Variants in UCK1 observed in about 807,000 individuals in gnomAD.
UCK1 encodes cytidine monophosphokinase 1.
Under a neutral mutation model 34.0 loss-of-function variants are expected in UCK1, and 20 were observed. The ratio of observed to expected loss-of-function variants is 0.59; its 90% confidence interval spans 0.41 to 0.86. UCK1 has a LOEUF of 0.86. Ranked by LOEUF, UCK1 falls within the 40% of genes least tolerant of loss-of-function variation. The pLI is 0.00. For synonymous variants in UCK1, 168 were observed against 155.9 expected, an observed-to-expected ratio of 1.08 and a Z score of -0.58; for missense variants, 343 against 383.6, an observed-to-expected ratio of 0.89 and a Z score of 0.88.
chr9:131,530,289 G>T (rs565430458), intron 2 of UCK1, among the ~76,000 whole-genome samples, 197 bp downstream of exon 2: 1 of 152,312 alleles, frequency 6.6e-6, no homozygotes, highest in East Asian at 1.9e-4. Flanking sequence ...GCTCCTGGGG[G>T]GACACTCAGG....
At chr9:131,527,154 CAAA>C (rs34625466) in intron 5 of UCK1, among the ~76,000 whole-genome samples, 71 of 126,692 alleles carry the variant, frequency 5.6e-4, no homozygotes, top group Admixed American at 6.3e-4. Flanking sequence ...CCCGTCTGTG[CAAA>C]AAAAAAAAAA....
Position 131,529,179 on chromosome 9 carries a change from G to T in UCK1, c.457C>A (p.His153Asn), listed in dbSNP as rs1950731952. ...FYSQEIRDMF[H>N]LRLFVDTDSD... The stretch of plus-strand genomic sequence containing the variant: ...TCGGTGTCCACGAAGAGGCGCAGGT[G>T]GAACATGTCCCGGATCTCCTGGCTG... Residue 153 changes from histidine to asparagine, a missense_variant, in exon 4 of 7, where the codon CAC (histidine) becomes AAC (asparagine). Physicochemically the swap from His to Asn is moderately conservative, Grantham distance 68. Transcript: ENST00000372215. 6.2e-7 allele frequency: 1 copy of T among 1,614,092 alleles called. No individual in the cohort carries two copies. Among genetic ancestry groups the T allele is most frequent in the African/African-American group, 1.3e-5 (1 of 75,054 alleles).
intron 5 of UCK1, 95 bp downstream of exon 5, chr9:131,528,849 T>C: frequency 1.4e-6 from 2 of 1,448,570 alleles, no homozygotes; most frequent in East Asian, 4.9e-5. Context: ...TTCAATCAGA[T>C]CACTGTCACC....
rs1403647611 is a variant in UCK1, at chr9:131,526,899, G to A, written c.604-922C>T. The stretch of plus-strand genomic sequence containing the variant: ...CTGGAGGAGTCCGGGAGAGCTGACA[G>A]GGGTCTTAACCGCCAGCAGGGATGG... On this transcript the variant is annotated intron_variant, in intron 5 of 6. Coordinates refer to ENST00000372215, the MANE Select transcript of UCK1 (RefSeq NM_031432.5). Among the ~76,000 whole-genome samples the A allele has an allele frequency of 1.3e-5, 2 of 152,202 alleles. 1 individual carries two copies. The highest frequency in any genetic ancestry group is 4.1e-4 in the South Asian group (2 of 4,836).
chr9:131,526,528 G>C, intron 5 of UCK1: 3 of 1,289,344 alleles, frequency 2.3e-6, no homozygotes, highest in Non-Finnish European at 3.0e-6. Flanking sequence ...CAAGGATGGA[G>C]ATATATCAGG....
chr9:131,529,721 G>C (rs1014294418), intron 2 of UCK1, 137 bp from the exon 3 acceptor site: 1 of 702,306 alleles, frequency 1.4e-6, no homozygotes, highest in South Asian at 1.7e-5. Context: ...CTAGGACTAC[G>C]GCAGTGTATG....
Position 131,524,904 on chromosome 9 carries a change from G to T in UCK1, c.*136C>A. 2 of 1,049,596 alleles carry T rather than the reference G, an allele frequency of 1.9e-6. No homozygotes were observed. The highest frequency in any genetic ancestry group is 1.7e-5 in the South Asian group (1 of 58,114). 65.0% of individuals were successfully genotyped at this position (1,049,596 alleles called of 1,614,324 possible). ...GTGACACATCTGAGTTTCCACTCCTGAGTGAGGAAGGCCTCGCTGCTAACA... is the reference window on the plus strand; with the variant it reads ...GTGACACATCTGAGTTTCCACTCCTTAGTGAGGAAGGCCTCGCTGCTAACA... On this transcript the variant is annotated 3_prime_UTR_variant, in exon 7 of 7. Transcript: ENST00000372215.
intron 6 of UCK1, 26 bp from the exon 7 acceptor site, chr9:131,525,247 G>A (rs376262427): frequency 9.3e-6 from 15 of 1,612,372 alleles, no homozygotes; most frequent in Admixed American, 1.7e-5. Context: ...GACAAGCAGC[G>A]GGTTAGCCGC....
rs1230055573 is a variant in UCK1 at position 131,529,233 on chromosome 9, C to G, written c.403G>C (p.Val135Leu). Residue 135 changes from valine (V) to leucine (L), a missense_variant, in exon 4 of 7, where the codon GTT becomes CTT. Transcript: ENST00000372215. ...AACACCAAGATGCCCTCAAACAGAA[C>G]CACGTCCGCAGGGTAGACCACCGTG... The part of the protein sequence containing the change: ...ETTVVYPADV[V>L]LFEGILVFYS... 1 of 1,614,158 alleles carries G rather than the reference C, an allele frequency of 6.2e-7. No individual in the cohort carries two copies. The highest frequency in any genetic ancestry group is 8.5e-7 in the Non-Finnish European group (1 of 1,180,038).
Position 131,523,900 on chromosome 9 carries a change from C to A in UCK1, c.*1140G>T. On this transcript the variant is annotated 3_prime_UTR_variant, in exon 7 of 7. Transcript: ENST00000372215. The stretch of plus-strand genomic sequence containing the variant: ...CAGAACCCAGCCACAGGGCTCAGCC[C>A]CCTTCCCCCACGTCACGTCTGCATC... 6.6e-6 allele frequency: 1 copy of A among 152,612 alleles called. No homozygotes were observed. The highest frequency in any genetic ancestry group is 1.5e-5 in the Non-Finnish European group (1 of 68,250). 9.5% of individuals were successfully genotyped at this position (152,612 alleles called of 1,614,324 possible).
Position 131,528,928 on chromosome 9 carries a change from C to G in UCK1, c.603+16G>C. 1 of 1,613,462 alleles carries G rather than the reference C, an allele frequency of 6.2e-7. No individual in the cohort carries two copies. Among genetic ancestry groups the G allele is most frequent in the Non-Finnish European group, 8.5e-7 (1 of 1,179,662 alleles). The stretch of plus-strand genomic sequence containing the variant: ...TGAAAGGGGAAAATGGGCTCTGAAG[C>G]AGCGAGCACAGGTACCGGCAGGCAG... On this transcript the variant is annotated intron_variant, in intron 5 of 6. Coordinates refer to ENST00000372215, the MANE Select transcript of UCK1 (RefSeq NM_031432.5).
intron 5 of UCK1, chr9:131,526,627 G>T: frequency 1.3e-6 from 1 of 764,880 alleles, no homozygotes; most frequent in Non-Finnish European, 2.0e-6. Context: ...GGAGAACATG[G>T]CTGAATCAGA....
chr9:131,530,210 A>G (rs905410954), intron 2 of UCK1, among the ~76,000 whole-genome samples: 1 of 152,202 alleles, frequency 6.6e-6, no homozygotes, highest in African/African-American at 2.4e-5. Flanking sequence ...TTTCTCCAGG[A>G]TCACAGTTGT....
At chr9:131,525,874 C>T (rs1451739190) in intron 6 of UCK1, 55 bp downstream of exon 6, 6 of 1,593,156 alleles carry the variant, frequency 3.8e-6, no homozygotes, top group African/African-American at 1.3e-5. Flanking sequence ...TGGAACTGTC[C>T]CTGCCTCAAG....
chr9:131,529,727 G>GTT, intron 2 of UCK1, 143 bp from the exon 3 acceptor site: 1 of 679,284 alleles, frequency 1.5e-6, no homozygotes. Context: ...CTACGGCAGT[G>GTT]TATGTTTGGT....
chr9:131,525,346 G>C lies in UCK1; in HGVS notation c.653-125C>G, dbSNP rs1950554020. Reference sequence around the variant, plus strand: ...TGCCCTGAGGCACAGCCTGCGGCGAGGGGCATCGAGTCAAATCTCAGCAGA... The same window carrying C: ...TGCCCTGAGGCACAGCCTGCGGCGACGGGCATCGAGTCAAATCTCAGCAGA... On this transcript the variant is annotated intron_variant, in intron 6 of 6. Transcript: ENST00000372215. 4 of 1,145,762 alleles carry C rather than the reference G, an allele frequency of 3.5e-6. No homozygotes were observed. In the South Asian group the frequency reaches 5.3e-5, roughly 15 times the overall value. The allele number at this position is 1,145,762 out of a possible 1,614,324, so 71.0% of individuals were successfully genotyped here.
chr9:131,530,733 C>T, intron 1 of UCK1, 88 bp from the exon 2 acceptor site: 2 of 1,611,966 alleles, frequency 1.2e-6, no homozygotes, highest in South Asian at 1.1e-5. Flanking sequence ...GACCCACCCG[C>T]CCCCTGGGGG....
rs1274448518 is a variant in UCK1, at chr9:131,525,933, A to G, written c.648T>C (p.Asn216=). 1.2e-6 allele frequency: 2 copies of G among 1,613,544 alleles called. No individual in the cohort carries two copies. The highest frequency in any genetic ancestry group is 1.7e-5 in the Admixed American group (1 of 59,964). Residue 216 remains asparagine, a synonymous_variant, in exon 6 of 7, where the codon AAT becomes AAC. Transcript: ENST00000372215. ...CCCAGCAGGCCAGCTTCTTACCCAT[A>G]TTGTCCACTCCTCGCGGGATGATCA... is the stretch of plus-strand genomic sequence containing the variant. ...ADVIIPRGVD[N]MVAINLIVQH...
chr9:131,526,077 G>A, intron 5 of UCK1, 100 bp from the exon 6 acceptor site: 5 of 1,427,704 alleles, frequency 3.5e-6, no homozygotes, highest in Non-Finnish European at 4.9e-6. Flanking sequence ...GGCGGCCCTG[G>A]GGTGCTCAGA....
Sources: gnomAD v4.1 joint callset for allele counts (sites outside exome capture counted in the v4.1 genomes callset) on GRCh38, gnomAD v4.1.1 for gene constraint, MANE v1.5 for transcripts, NCBI Gene and HGNC (gene_info 2026-07-23, HGNC 2026-07-21) for gene names.